The following CALU variants were observed in gnomAD, a reference collection of about 807,000 sequenced individuals.
CALU encodes the protein calumenin.
CALU carries 13 observed loss-of-function variants against 37.5 expected under a neutral mutation model. The ratio of observed to expected loss-of-function variants is 0.35; its 90% CI spans 0.23 to 0.55. The LOEUF (loss-of-function observed/expected upper bound fraction) is 0.55. CALU is among the 20% of genes least tolerant of loss of function. The pLI, the probability that CALU is intolerant of heterozygous loss-of-function variation, is 0.89. For synonymous variants in CALU, 114 were observed against 133.8 expected (o/e 0.85, Z 1.02); for missense variants, 282 against 391.7 (o/e 0.72, Z 2.36).
In CALU at chr7:128,741,245, C is replaced by T. The variant is rs546197544; in HGVS notation, c.-12+1813C>T. 6.6e-5 allele frequency among the ~76,000 whole-genome samples: 10 copies of T among 152,356 alleles called. No homozygotes were observed. In the East Asian group the frequency reaches 1.9e-3, roughly 29 times the overall value. ...AAATAACACTTTTGCCTGTTCCTGGCTGATTGCCAGATCCAGTAAACGGAA... is the reference window on the plus strand; with the variant it reads ...AAATAACACTTTTGCCTGTTCCTGGTTGATTGCCAGATCCAGTAAACGGAA... On this transcript the variant is annotated intron_variant, in intron 1 of 6. Coordinates refer to ENST00000249364, the MANE Select transcript of CALU (RefSeq NM_001219.5).
In CALU at chr7:128,772,367, T is replaced by C. The variant is rs1801617489; in HGVS notation, c.*3200T>C. On this transcript the variant is annotated 3_prime_UTR_variant, in exon 7 of 7. Coordinates refer to ENST00000249364, the MANE Select transcript of CALU (RefSeq NM_001219.5). The stretch of plus-strand genomic sequence containing the variant: ...AATAGACCAGTGGAAACAGTAGCTT[T>C]GTAGGCAAGAAGGCAATAGTAAGAA... The C allele has an allele frequency of 1.4e-6, 1 of 719,332 alleles. No homozygotes were observed. Among genetic ancestry groups the C allele is most frequent in the Admixed American group, 2.3e-5 (1 of 43,202 alleles). 44.6% of individuals were successfully genotyped at this position (719,332 alleles called of 1,614,324 possible).
At chr7:128,742,174 A>G (rs1355141496) in intron 1 of CALU, among the ~76,000 whole-genome samples, 4 of 152,242 alleles carry the variant, frequency 2.6e-5, no homozygotes, top group Non-Finnish European at 5.9e-5. Flanking sequence ...CCATTGGTAT[A>G]GTACTAAAGT....
intron 1 of CALU, among the ~76,000 whole-genome samples, chr7:128,740,182 G>C (rs1158341591): frequency 3.3e-5 from 5 of 152,180 alleles, no homozygotes. Context: ...GCGATTAAGC[G>C]TAGAGTGGCT....
At chr7:128,739,995 A>G (rs1800169992) in intron 1 of CALU, among the ~76,000 whole-genome samples, 3 of 152,198 alleles carry the variant, frequency 2.0e-5, no homozygotes, top group Admixed American at 2.0e-4. Flanking sequence ...TTTAAAGAAA[A>G]GCTGAATGTT....
At chr7:128,759,728 T>C in intron 4 of CALU, 64 bp from the exon 5 acceptor site, 2 of 847,362 alleles carry the variant, frequency 2.4e-6, no homozygotes, top group Non-Finnish European at 4.1e-6. Flanking sequence ...AACTAGATAC[T>C]TTACTTTCTT....
intron 1 of CALU, among the ~76,000 whole-genome samples, chr7:128,746,792 G>A (rs111265944): frequency 0.27 from 35,080 of 130,166 alleles, 5,663 homozygotes; most frequent in Non-Finnish European, 0.36. Flanking sequence ...TTTTTGAGAC[G>A]GAGTCTCACT....
intron 1 of CALU, among the ~76,000 whole-genome samples, chr7:128,744,524 T>C (rs968983248): frequency 2.0e-5 from 3 of 152,102 alleles, no homozygotes; most frequent in African/African-American, 7.2e-5. Context: ...GTAGAACTTC[T>C]TTAAAGTGCA....
chr7:128,771,358 A>T lies in CALU; in HGVS notation c.*2191A>T, dbSNP rs1483968524. On this transcript the variant is annotated 3_prime_UTR_variant, in exon 7 of 7. Transcript: ENST00000249364. ...ACACACCCATATTGTGTGTTCTGTG[A>T]ATGCTAGCTCTCTTGAATTTGGATA... 6.6e-6 allele frequency: 1 copy of T among 152,640 alleles called. No individual in the cohort carries two copies. The highest frequency in any genetic ancestry group is 2.4e-5 in the African/African-American group (1 of 41,454). The allele number at this position is 152,640 out of a possible 1,614,324, so 9.5% of individuals were successfully genotyped here.
At chr7:128,756,940 G>A (rs80003600) in intron 3 of CALU, among the ~76,000 whole-genome samples, 1,574 of 152,164 alleles carry the variant, frequency 0.01, 33 homozygotes, top group African/African-American at 0.036. Flanking sequence ...TTAGCCAGGA[G>A]TGGTAATACT....
rs1800520808 is a variant in CALU, at chr7:128,748,224, T to C, written c.-11-349T>C. 18 of 624,354 alleles carry C rather than the reference T, an allele frequency of 2.9e-5. No homozygotes were observed. In the South Asian group the frequency reaches 4.0e-4, roughly 14 times the overall value. The allele number at this position is 624,354 out of a possible 1,614,324, so 38.7% of individuals were successfully genotyped here. A position where few individuals can be genotyped will look rare whatever the true frequency, so the allele number is the denominator to read the frequency against. On this transcript the variant is annotated intron_variant, in intron 1 of 6. Transcript: ENST00000249364. ...AAGTAAAGGATTTGGAGTCAACATT[T>C]AAACCTTGGTTCTTTCACTTTTAAT...
intron 5 of CALU, among the ~76,000 whole-genome samples, chr7:128,763,270 C>T (rs900354176): frequency 6.6e-6 from 1 of 152,124 alleles, no homozygotes; most frequent in Non-Finnish European, 1.5e-5. Flanking sequence ...GTGGCTCATG[C>T]CTGTAATCCC....
intron 1 of CALU, among the ~76,000 whole-genome samples, chr7:128,743,031 T>A (rs911422544): frequency 1.3e-5 from 2 of 152,192 alleles, no homozygotes; most frequent in South Asian, 4.1e-4. Context: ...CTAATACATA[T>A]AAAATACCAT....
intron 2 of CALU, among the ~76,000 whole-genome samples, chr7:128,751,612 A>G (rs956571251): frequency 6.6e-6 from 1 of 152,156 alleles, no homozygotes; most frequent in African/African-American, 2.4e-5. Context: ...CTGTAGTCCC[A>G]GCTACTAAGG....
chr7:128,769,078 A>AAGG lies in CALU; in HGVS notation c.865_867dup (p.Glu289dup). ...CTACTTTCAGGATGGCAAGCTTACC[A>AAGG]AGGAGGAGATCGTTGACAAGTATGA... On this transcript the variant is annotated inframe_insertion, in exon 7 of 7. Coordinates refer to ENST00000249364, the MANE Select transcript of CALU (RefSeq NM_001219.5). 1 of 1,609,646 alleles carries AAGG rather than the reference A, an allele frequency of 6.2e-7. No homozygotes were observed. Among genetic ancestry groups the AAGG allele is most frequent in the Non-Finnish European group, 8.5e-7 (1 of 1,176,138 alleles).
Position 128,742,997 on chromosome 7 carries a change from A to G in CALU, c.-12+3565A>G, listed in dbSNP as rs375075589. ...TTCAGGTGAAAATCTAAAACAGGTG[A>G]AAGTAATTTTAATAATGTTTAATCT... On this transcript the variant is annotated intron_variant, in intron 1 of 6. Transcript: ENST00000249364. Among the ~76,000 whole-genome samples the G allele has an allele frequency of 7.9e-5, 12 of 152,358 alleles. No homozygotes were observed. In the East Asian group the frequency reaches 1.5e-3, roughly 20 times the overall value.
intron 1 of CALU, chr7:128,747,830 A>T (rs1261919403): frequency 1.3e-5 from 2 of 152,310 alleles, no homozygotes; most frequent in Non-Finnish European, 2.9e-5. Flanking sequence ...AGTTTGAATC[A>T]GGGCCTGGGA....
chr7:128,747,292 A>G (rs1334547877), intron 1 of CALU, among the ~76,000 whole-genome samples: 1 of 152,222 alleles, frequency 6.6e-6, no homozygotes, highest in African/African-American at 2.4e-5. Context: ...TAGAGTAATA[A>G]GTACCATCTT....
chr7:128,765,303 C>T (rs1801287948), intron 5 of CALU, among the ~76,000 whole-genome samples: 2 of 152,164 alleles, frequency 1.3e-5, no homozygotes, highest in Non-Finnish European at 2.9e-5. Context: ...TCATTGCAGC[C>T]TCGATCTGCT....
In CALU at chr7:128,739,432, G is replaced by A. The variant is rs1046892752; in HGVS notation, c.-12G>A. The A allele has an allele frequency of 6.6e-6, 1 of 152,500 alleles. No individual in the cohort carries two copies. Among genetic ancestry groups the A allele is most frequent in the Non-Finnish European group, 1.5e-5 (1 of 68,276 alleles). 9.4% of individuals were successfully genotyped at this position (152,500 alleles called of 1,614,324 possible). A position where few individuals can be genotyped will look rare whatever the true frequency, so the allele number is the denominator to read the frequency against. On this transcript the variant is annotated splice_region_variant and 5_prime_UTR_variant, in exon 1 of 7. Transcript: ENST00000249364. ...CTGTGCTGTGGGGGCTACGAGGAAA[G>A]GTAAGTACGGTGATGCCCAGCCCCT...
Sources: gnomAD v4.1 joint callset for allele counts (sites outside exome capture counted in the v4.1 genomes callset) on GRCh38, gnomAD v4.1.1 for gene constraint, MANE v1.5 for transcripts, NCBI Gene and HGNC (gene_info 2026-07-23, HGNC 2026-07-21) for gene names.